The following TBCD variants were observed in gnomAD, a reference collection of about 807,000 sequenced individuals.
TBCD encodes the protein tubulin-specific chaperone D.
A neutral mutation model predicts 169.3 loss-of-function variants in TBCD; 105 were observed. The ratio of observed to expected loss-of-function variants is 0.62; its 90% CI spans 0.53 to 0.73. The LOEUF is 0.73. Among genes scored for constraint, TBCD ranks in the 30% least tolerant of loss-of-function variants. The pLI, the probability that TBCD is intolerant of heterozygous loss-of-function variation, is 0.00. For missense variants in TBCD, 1,444 were observed against 1,600.1 expected (o/e 0.90, Z 1.66); for synonymous variants, 700 against 643.9 (o/e 1.09, Z -1.32).
Position 82,942,671 on chromosome 17 carries a change from CAA to C in TBCD, c.*210_*211del. On this transcript the variant is annotated 3_prime_UTR_variant, in exon 39 of 39. Coordinates refer to ENST00000355528, the MANE Select transcript of TBCD (RefSeq NM_005993.5). ...GGACGCCTCTGCCTTCACTTGAACACAAATGTGCTTCCTATAAAATCATGTAC... is the reference window on the plus strand; with the variant it reads ...GGACGCCTCTGCCTTCACTTGAACACATGTGCTTCCTATAAAATCATGTAC... 1 of 627,204 alleles carries C rather than the reference CAA, an allele frequency of 1.6e-6. No homozygotes were observed. Among genetic ancestry groups the C allele is most frequent in the South Asian group, 1.9e-5 (1 of 52,006 alleles). 38.9% of individuals were successfully genotyped at this position (627,204 alleles called of 1,614,324 possible).
chr17:82,812,276 G>A (rs1295239698), intron 12 of TBCD, among the ~76,000 whole-genome samples: 2 of 152,358 alleles, frequency 1.3e-5, no homozygotes, highest in Admixed American at 6.5e-5. Context: ...GAGACACTCG[G>A]TGTGGAGCGT....
chr17:82,899,458 C>T (rs908470433), intron 17 of TBCD, among the ~76,000 whole-genome samples: 1 of 150,616 alleles, frequency 6.6e-6, no homozygotes, highest in Admixed American at 6.6e-5. Flanking sequence ...CCGTCCTCAG[C>T]GTGTGTGTCC....
chr17:82,872,281 T>G (rs1440338398), intron 14 of TBCD, among the ~76,000 whole-genome samples: 2 of 152,084 alleles, frequency 1.3e-5, no homozygotes, highest in African/African-American at 2.4e-5. Flanking sequence ...GGCCAACGTG[T>G]TATGGAGAGT....
At chr17:82,871,792 C>T (rs1359839358) in intron 14 of TBCD, among the ~76,000 whole-genome samples, 1 of 152,198 alleles carries the variant, frequency 6.6e-6, no homozygotes, top group Non-Finnish European at 1.5e-5. Context: ...TGGCCTGGGG[C>T]CCGCTTGGCT....
intron 12 of TBCD, among the ~76,000 whole-genome samples, chr17:82,812,898 C>T (rs180887694): frequency 1.1e-4 from 16 of 152,282 alleles, no homozygotes; most frequent in East Asian, 9.7e-4. Flanking sequence ...TAGCTCACTG[C>T]GGCCTCTACT....
At chr17:82,762,845 G>T (rs1364391297) in intron 2 of TBCD, among the ~76,000 whole-genome samples, 3 of 152,066 alleles carry the variant, frequency 2.0e-5, no homozygotes, top group African/African-American at 7.2e-5. Context: ...GAGGATTCCA[G>T]CTGCTCTGGG....
In TBCD at chr17:82,940,772, C is replaced by T. The variant is rs11869816; in HGVS notation, c.3480-627C>T. Among the ~76,000 whole-genome samples, 728 of 152,138 alleles carry T rather than the reference C, an allele frequency of 4.8e-3. 4 individuals carry two copies. Among genetic ancestry groups the T allele is most frequent in the African/African-American group, 0.017 (693 of 41,496 alleles). The stretch of plus-strand genomic sequence containing the variant: ...CAATGATTTTTTTAAAAAAAAACAC[C>T]AAGGTGCATTCTGGACCAGATTCTA... On this transcript the variant is annotated intron_variant, in intron 37 of 38. Coordinates refer to ENST00000355528, the MANE Select transcript of TBCD (RefSeq NM_005993.5).
intron 13 of TBCD, among the ~76,000 whole-genome samples, chr17:82,836,687 CAAAAA>C (rs559997152): frequency 6.0e-5 from 7 of 116,930 alleles, no homozygotes; most frequent in South Asian, 2.6e-4. Context: ...TACTTTTAGG[CAAAAA>C]AAAAAACAAA....
At chr17:82,841,163 T>C (rs574681930) in intron 13 of TBCD, among the ~76,000 whole-genome samples, 13 of 151,514 alleles carry the variant, frequency 8.6e-5, no homozygotes, top group Admixed American at 3.9e-4. Flanking sequence ...AGGATGGTCT[T>C]GATCTCCTGA....
chr17:82,902,408 G>C (rs2059954268), intron 18 of TBCD, among the ~76,000 whole-genome samples: 1 of 152,400 alleles, frequency 6.6e-6, no homozygotes. Context: ...TGCGGCTGCA[G>C]ACTGCATTGC....
At chr17:82,770,530 C>T (rs148873569) in intron 5 of TBCD, among the ~76,000 whole-genome samples, 14,305 of 148,724 alleles carry the variant, frequency 0.096, 945 homozygotes, top group South Asian at 0.29. Context: ...ACCTGGGAGG[C>T]GGAGGTTGTG....
At chr17:82,870,945 A>C (rs991379491) in intron 14 of TBCD, among the ~76,000 whole-genome samples, 1 of 152,262 alleles carries the variant, frequency 6.6e-6, no homozygotes, top group Non-Finnish European at 1.5e-5. Context: ...GAGAATGTTC[A>C]GTAGCAATAG....
At chr17:82,867,284 T>C (rs1383144624) in intron 13 of TBCD, among the ~76,000 whole-genome samples, 2 of 152,238 alleles carry the variant, frequency 1.3e-5, no homozygotes, top group African/African-American at 2.4e-5. Flanking sequence ...TTGTCCATGC[T>C]GGCCACTGCC....
intron 34 of TBCD, among the ~76,000 whole-genome samples, chr17:82,934,411 G>T (rs2062453289): frequency 1.3e-5 from 2 of 152,168 alleles, no homozygotes; most frequent in African/African-American, 2.4e-5. Flanking sequence ...CAGCCTCCAT[G>T]TTCACAGGTG....
chr17:82,918,101 A>C (rs2061179925), intron 23 of TBCD, among the ~76,000 whole-genome samples: 2 of 152,124 alleles, frequency 1.3e-5, no homozygotes. Flanking sequence ...TGTGCTTCCC[A>C]TGCTTCCTCC....
intron 23 of TBCD, among the ~76,000 whole-genome samples, chr17:82,919,151 C>A (rs2061261635): frequency 6.6e-6 from 1 of 152,150 alleles, no homozygotes; most frequent in Admixed American, 6.5e-5. Context: ...AGAGTCTCGC[C>A]CGGCGCTTCC....
chr17:82,818,261 C>T (rs2052107378), intron 13 of TBCD, among the ~76,000 whole-genome samples: 1 of 152,210 alleles, frequency 6.6e-6, no homozygotes, highest in Non-Finnish European at 1.5e-5. Flanking sequence ...ACCCTCTTTG[C>T]AGCCCCCATT....
intron 13 of TBCD, among the ~76,000 whole-genome samples, chr17:82,816,446 C>T (rs1352069913): frequency 1.3e-5 from 2 of 152,208 alleles, no homozygotes; most frequent in African/African-American, 4.8e-5. Context: ...TAAGAACCTG[C>T]CAAACTTTTT....
At chr17:82,942,136 G>A in intron 38 of TBCD, 2 of 511,054 alleles carry the variant, frequency 3.9e-6, no homozygotes, top group South Asian at 2.6e-5. Flanking sequence ...GAACTCAACA[G>A]CAGACTTTGG....
Sources: allele counts gnomAD v4.1 joint callset (sites outside exome capture counted in the v4.1 genomes callset), GRCh38; gene constraint gnomAD v4.1.1; transcripts MANE v1.5; gene names NCBI Gene and HGNC (gene_info 2026-07-23, HGNC 2026-07-21).